The following NAALADL2 variants were observed in gnomAD, a reference collection of about 807,000 sequenced individuals.
NAALADL2 encodes the protein N-acetylated alpha-linked acidic dipeptidase like 2.
NAALADL2 carries 76 observed loss-of-function variants against 87.2 expected under a neutral mutation model. That is an observed-to-expected ratio of 0.87 (90% CI 0.72 to 1.05). NAALADL2 has a LOEUF of 1.05. NAALADL2 is among the 50% of genes least tolerant of loss of function. NAALADL2 has a pLI of 0.00. For synonymous variants in NAALADL2, 354 were observed against 331.0 expected (o/e 1.07, Z -0.75); for missense variants, 1,089 against 945.8 (o/e 1.15, Z -1.99).
chr3:175,530,154 A>G (rs28768818), intron 9 of NAALADL2, among the ~76,000 whole-genome samples: 12,162 of 152,196 alleles, frequency 0.08, 657 homozygotes, highest in African/African-American at 0.15. Context: ...TGGCTGGGGA[A>G]AGAGGCTGAG....
chr3:175,327,372 G>C lies in NAALADL2; in HGVS notation c.1090+3047G>C, dbSNP rs150653296. ...GGGTTTCACCATGTTAGCCATAATA[G>C]TCTCGATCTCTTGACCTCGTGATCC... On this transcript the variant is annotated intron_variant, in intron 5 of 13. Coordinates refer to ENST00000454872, the MANE Select transcript of NAALADL2 (RefSeq NM_207015.3). 1.0e-3 allele frequency among the ~76,000 whole-genome samples: 154 copies of C among 152,104 alleles called. 1 individual carries two copies. Among genetic ancestry groups the C allele is most frequent in the African/African-American group, 3.5e-3 (144 of 41,506 alleles).
At chr3:175,466,147 G>A (rs1258547029) in intron 7 of NAALADL2, among the ~76,000 whole-genome samples, 1 of 152,144 alleles carries the variant, frequency 6.6e-6, no homozygotes, top group Non-Finnish European at 1.5e-5. Flanking sequence ...CCATCCAGTT[G>A]TGGGACATCT....
At chr3:174,841,872 A>G (rs2109425260) in intron 3 of NAALADL2, among the ~76,000 whole-genome samples, 1 of 152,134 alleles carries the variant, frequency 6.6e-6, no homozygotes, top group South Asian at 2.1e-4. Context: ...TAGCATGCAT[A>G]TTTCTCTCCT....
intron 11 of NAALADL2, among the ~76,000 whole-genome samples, chr3:175,702,692 T>G (rs1739151871): frequency 6.6e-6 from 1 of 152,146 alleles, no homozygotes; most frequent in South Asian, 2.1e-4. Flanking sequence ...ATTCAACTGC[T>G]GCTAAGAATA....
At chr3:174,902,229 C>G (rs1185377524) in intron 1 of NAALADL2, among the ~76,000 whole-genome samples, 1 of 152,066 alleles carries the variant, frequency 6.6e-6, no homozygotes, top group African/African-American at 2.4e-5. Context: ...CAGATACATC[C>G]AATAACCTAT....
intron 2 of NAALADL2, among the ~76,000 whole-genome samples, chr3:175,131,204 G>T (rs1449173962): frequency 2.0e-5 from 3 of 150,358 alleles, no homozygotes; most frequent in African/African-American, 4.9e-5. Context: ...TCGCAGAGGG[G>T]GATTTGGCAG....
At chr3:174,707,504 G>T (rs1469871403) in intron 2 of NAALADL2, among the ~76,000 whole-genome samples, 1 of 152,100 alleles carries the variant, frequency 6.6e-6, no homozygotes, top group Non-Finnish European at 1.5e-5. Flanking sequence ...TAGCGACATG[G>T]ATGAAGCTGG....
At chr3:174,694,197 C>T (rs1365679897) in intron 2 of NAALADL2, among the ~76,000 whole-genome samples, 1 of 152,014 alleles carries the variant, frequency 6.6e-6, no homozygotes, top group Non-Finnish European at 1.5e-5. Flanking sequence ...CACATTGAGT[C>T]AGAATTAGAG....
chr3:175,004,957 A>G (rs905629905), intron 1 of NAALADL2, among the ~76,000 whole-genome samples: 1 of 152,178 alleles, frequency 6.6e-6, no homozygotes, highest in African/African-American at 2.4e-5. Flanking sequence ...AATTGTGACA[A>G]TGGTAAATTA....
chr3:174,767,164 C>A (rs978559193), intron 3 of NAALADL2, among the ~76,000 whole-genome samples: 1 of 152,142 alleles, frequency 6.6e-6, no homozygotes, highest in African/African-American at 2.4e-5. Context: ...AAAATTAGCA[C>A]AACTGAGCAC....
intron 2 of NAALADL2, among the ~76,000 whole-genome samples, chr3:175,212,744 GA>G (rs1353144660): frequency 6.6e-6 from 1 of 152,070 alleles, no homozygotes. Flanking sequence ...TCCCAGAAAT[GA>G]GCAGCTCTAA....
At chr3:175,031,564 G>C (rs1752802548) in intron 1 of NAALADL2, among the ~76,000 whole-genome samples, 1 of 152,076 alleles carries the variant, frequency 6.6e-6, no homozygotes. Flanking sequence ...ACTGTGAATA[G>C]TGCTGAGACA....
chr3:174,499,719 A>G (rs1718771950), intron 1 of NAALADL2, among the ~76,000 whole-genome samples: 1 of 152,006 alleles, frequency 6.6e-6, no homozygotes, highest in African/African-American at 2.4e-5. Flanking sequence ...ATTGGTAAAG[A>G]AATCAGTTGT....
intron 2 of NAALADL2, among the ~76,000 whole-genome samples, chr3:175,173,660 AAGTT>A (rs1198908317): frequency 1.1e-4 from 16 of 152,244 alleles, no homozygotes; most frequent in African/African-American, 1.7e-4. Flanking sequence ...TTGAAAAAGA[AAGTT>A]AGTAATGCTG....
chr3:174,714,015 A>G (rs369385451), intron 2 of NAALADL2, among the ~76,000 whole-genome samples: 1 of 152,172 alleles, frequency 6.6e-6, no homozygotes, highest in Non-Finnish European at 1.5e-5. Flanking sequence ...AGCTTTCTAC[A>G]TATGGCTAGC....
At chr3:175,510,222 C>G (rs760094211) in intron 9 of NAALADL2, among the ~76,000 whole-genome samples, 4 of 152,098 alleles carry the variant, frequency 2.6e-5, no homozygotes, top group Non-Finnish European at 5.9e-5. Flanking sequence ...AGAACTCACT[C>G]ACTATCATGA....
At chr3:174,608,053 C>T (rs1224049996) in intron 2 of NAALADL2, among the ~76,000 whole-genome samples, 7 of 152,128 alleles carry the variant, frequency 4.6e-5, no homozygotes, top group Non-Finnish European at 5.9e-5. Context: ...GAACAACCTG[C>T]TTCTGAATGA....
At chr3:174,835,996 G>T (rs1448288247) in intron 3 of NAALADL2, among the ~76,000 whole-genome samples, 1 of 152,120 alleles carries the variant, frequency 6.6e-6, no homozygotes, top group Non-Finnish European at 1.5e-5. Flanking sequence ...TTTACTTCTG[G>T]TTATATACGT....
At chr3:175,301,456 G>C (rs115741002) in intron 4 of NAALADL2, among the ~76,000 whole-genome samples, 2,079 of 152,150 alleles carry the variant, frequency 0.014, 49 homozygotes, top group African/African-American at 0.047. Flanking sequence ...CTGCAAAAAC[G>C]CATGTAGCTG....
Sources: gnomAD v4.1 joint callset for allele counts (sites outside exome capture counted in the v4.1 genomes callset) on GRCh38, gnomAD v4.1.1 for gene constraint, MANE v1.5 for transcripts, NCBI Gene and HGNC (gene_info 2026-07-23, HGNC 2026-07-21) for gene names.